The following N4BP2 variants were observed in gnomAD, a reference collection of about 807,000 sequenced individuals.
N4BP2 encodes the protein NEDD4 binding protein 2.
A neutral mutation model predicts 152.8 loss-of-function variants in N4BP2; 91 were observed. The observed-to-expected ratio is 0.60, with a 90% CI of 0.50 to 0.71. N4BP2 has a LOEUF of 0.71. Among genes scored for constraint, N4BP2 ranks in the 30% least tolerant of loss-of-function variants. The pLI is 0.00. For synonymous variants in N4BP2, 646 were observed against 705.3 expected (o/e 0.92, Z 1.33); for missense variants, 1,923 against 2,059.1 (o/e 0.93, Z 1.28).
chr4:40,134,436 AG>A (rs946414246), intron 13 of N4BP2, among the ~76,000 whole-genome samples: 14 of 152,140 alleles, frequency 9.2e-5, no homozygotes, highest in African/African-American at 3.4e-4. Context: ...CCCTCATGTT[AG>A]GTGGCTGATT....
intron 1 of N4BP2, among the ~76,000 whole-genome samples, chr4:40,058,981 C>G (rs1471635999): frequency 6.6e-6 from 1 of 152,038 alleles, no homozygotes; most frequent in East Asian, 1.9e-4. Context: ...CCACTACGCC[C>G]GGCTAATTTT....
At chr4:40,106,774 C>G in intron 4 of N4BP2, 126 bp from the exon 5 acceptor site, 2 of 854,428 alleles carry the variant, frequency 2.3e-6, no homozygotes, top group Middle Eastern at 3.9e-4. Context: ...GCCTTGAACT[C>G]CTGGCCTCAA....
chr4:40,067,010 A>C (rs955723751), intron 1 of N4BP2, among the ~76,000 whole-genome samples: 1 of 149,812 alleles, frequency 6.7e-6, no homozygotes, highest in Admixed American at 6.7e-5. Context: ...ACTTAGCATA[A>C]TGTCCTCAAG....
intron 1 of N4BP2, among the ~76,000 whole-genome samples, chr4:40,058,955 G>A (rs1051798240): frequency 6.6e-5 from 10 of 151,968 alleles, no homozygotes; most frequent in African/African-American, 2.4e-4. Flanking sequence ...AGAGTAGCTG[G>A]GACTAGAGGC....
intron 2 of N4BP2, among the ~76,000 whole-genome samples, chr4:40,078,183 G>T (rs1712971903): frequency 6.6e-6 from 1 of 151,124 alleles, no homozygotes; most frequent in Admixed American, 6.6e-5. Flanking sequence ...TTTTGAGACA[G>T]TCTTGTGTTG....
chr4:40,087,266 T>TA (rs201695131), intron 2 of N4BP2, among the ~76,000 whole-genome samples: 7 of 150,962 alleles, frequency 4.6e-5, no homozygotes, highest in East Asian at 1.9e-4. Context: ...TCCCCTCCTT[T>TA]AAAAAAAAAA....
chr4:40,163,873 G>C, the N4BP2 span, among the ~76,000 whole-genome samples: 1 of 152,214 alleles, frequency 6.6e-6, no homozygotes, highest in Non-Finnish European at 1.5e-5. Flanking sequence ...AACATGTTCA[G>C]AGAGATTATA....
At chr4:40,143,840 C>A (rs1407869483) in intron 15 of N4BP2, among the ~76,000 whole-genome samples, 1 of 152,058 alleles carries the variant, frequency 6.6e-6, no homozygotes, top group Non-Finnish European at 1.5e-5. Flanking sequence ...TATTAGAGTT[C>A]TCTAGAGAGA....
chr4:40,090,215 G>GA (rs111267128), intron 2 of N4BP2, among the ~76,000 whole-genome samples: 260 of 152,242 alleles, frequency 1.7e-3, no homozygotes, highest in African/African-American at 5.9e-3. Context: ...AAATCAGGTT[G>GA]CGATTCCTCC....
chr4:40,172,914 A>G, the N4BP2 span, among the ~76,000 whole-genome samples: 1 of 152,240 alleles, frequency 6.6e-6, no homozygotes, highest in Non-Finnish European at 1.5e-5. Flanking sequence ...GAATGGTTAC[A>G]TTGAATCTAC....
intron 1 of N4BP2, among the ~76,000 whole-genome samples, chr4:40,065,487 A>G (rs929518942): frequency 3.3e-5 from 5 of 152,182 alleles, no homozygotes; most frequent in African/African-American, 1.2e-4. Context: ...CACTGAAAAA[A>G]GTGAGCAGAA....
chr4:40,175,547 ACT>A, the N4BP2 span, among the ~76,000 whole-genome samples: 7 of 152,262 alleles, frequency 4.6e-5, 1 homozygote, highest in Middle Eastern at 0.024. Flanking sequence ...CTGGCGGGTC[ACT>A]GAGGCTCATG....
chr4:40,095,340 C>G (rs1279951510), intron 2 of N4BP2, among the ~76,000 whole-genome samples: 1 of 152,200 alleles, frequency 6.6e-6, no homozygotes, highest in Non-Finnish European at 1.5e-5. Flanking sequence ...CTTGGCCTCC[C>G]AAAGTGCTGG....
At position 40,131,907 on chromosome 4, in the gene N4BP2, T is replaced by G; in HGVS notation, c.4634T>G (p.Phe1545Cys). The G allele has an allele frequency of 6.3e-7, 1 of 1,595,846 alleles. No homozygotes were observed. The highest frequency in any genetic ancestry group is 1.3e-5 in the African/African-American group (1 of 74,642). ...AACCAAAATTTTCTGGTGGACATTT[T>G]CAAGGACCACAAGTGAGTGCTAGAA... The part of the protein sequence containing the change: ...AINQNFLVDI[F>C]KDHNYSLEHT... Residue 1545 changes from phenylalanine (F) to cysteine (C), a missense_variant, in exon 13 of 18, where the codon TTC (phenylalanine) becomes TGC (cysteine). Physicochemically the swap from Phe to Cys is radical, Grantham distance 205. Transcript: ENST00000261435.
the N4BP2 span, among the ~76,000 whole-genome samples, chr4:40,184,561 T>G: frequency 7.2e-5 from 11 of 152,170 alleles, no homozygotes; most frequent in Non-Finnish European, 1.6e-4. Flanking sequence ...AAGAAAAAAG[T>G]GAAAAAATTA....
At chr4:40,088,436 C>T (rs536404791) in intron 2 of N4BP2, among the ~76,000 whole-genome samples, 1 of 151,694 alleles carries the variant, frequency 6.6e-6, no homozygotes, top group South Asian at 2.1e-4. Context: ...GAAGTCTTGC[C>T]ATCATTTGGT....
intron 13 of N4BP2, among the ~76,000 whole-genome samples, chr4:40,134,771 TC>T (rs1286785484): frequency 3.9e-5 from 6 of 152,132 alleles, no homozygotes; most frequent in African/African-American, 1.2e-4. Context: ...TCAAGGGTTG[TC>T]TTTAATAAAT....
intron 3 of N4BP2, among the ~76,000 whole-genome samples, chr4:40,099,700 C>G (rs1715441694): frequency 6.6e-6 from 1 of 151,410 alleles, no homozygotes; most frequent in South Asian, 2.1e-4. Context: ...TTTTTTTATA[C>G]CATGGTTTTA....
rs1294837593 is a variant in N4BP2, at chr4:40,157,322, G to A, written c.*3085G>A. The A allele has an allele frequency of 6.6e-6, 1 of 151,812 alleles. No homozygotes were observed. Among genetic ancestry groups the A allele is most frequent in the Non-Finnish European group, 1.5e-5 (1 of 67,936 alleles). The allele number at this position is 151,812 out of a possible 1,614,324, so 9.4% of individuals were successfully genotyped here. A position where few individuals can be genotyped will look rare whatever the true frequency, so the allele number is the denominator to read the frequency against. On this transcript the variant is annotated 3_prime_UTR_variant, in exon 18 of 18. Transcript: ENST00000261435. ...TGCAACTTTATGGCCTTTAAATATA[G>A]GACATATTATATAGCAGAAATTTTG...
Sources: gnomAD v4.1 joint callset for allele counts (sites outside exome capture counted in the v4.1 genomes callset) on GRCh38, gnomAD v4.1.1 for gene constraint, MANE v1.5 for transcripts, NCBI Gene and HGNC (gene_info 2026-07-23, HGNC 2026-07-21) for gene names.